Variants in GREB1L observed in about 807,000 individuals in gnomAD.
GREB1L encodes GREB1-like protein.
GREB1L carries 17 observed loss-of-function variants against 200.8 expected under a neutral mutation model. The ratio of observed to expected loss-of-function variants is 0.08; its 90% CI spans 0.06 to 0.13. The LOEUF (loss-of-function observed/expected upper bound fraction) is 0.13. GREB1L is among the 10% of genes least tolerant of loss of function. The pLI, the probability that GREB1L is intolerant of heterozygous loss-of-function variation, is 1.00. For missense variants in GREB1L, 1,657 were observed against 2,367.7 expected, an observed-to-expected ratio of 0.70 and a Z score of 6.23; for synonymous variants, 789 against 893.0, an observed-to-expected ratio of 0.88 and a Z score of 2.08.
At chr18:21,398,931 T>C (rs1174993243) in intron 5 of GREB1L, among the ~76,000 whole-genome samples, 2 of 152,320 alleles carry the variant, frequency 1.3e-5, no homozygotes, top group East Asian at 3.9e-4. Flanking sequence ...AAAATCTCCC[T>C]TGAAGGAAGG....
chr18:21,278,799 G>C (rs2038218865), intron 1 of GREB1L, among the ~76,000 whole-genome samples: 2 of 152,024 alleles, frequency 1.3e-5, no homozygotes, highest in Admixed American at 1.3e-4. Context: ...GAAACCAATT[G>C]ATTATGTATT....
rs1386557657 is a variant in GREB1L, at chr18:21,411,904, G to A, written c.832+7910G>A. 2.6e-5 allele frequency among the ~76,000 whole-genome samples: 4 copies of A among 151,818 alleles called. No homozygotes were observed. The East Asian group carries it at 7.8e-4, about 30-fold the overall frequency. On this transcript the variant is annotated intron_variant, in intron 7 of 32. Coordinates refer to ENST00000424526, the MANE Select transcript of GREB1L (RefSeq NM_001142966.3). ...ACTAAAAATACAAAAAATTAGCCGGGCGCAGTGGTGGGCGCCTATAGTCCC... is the reference window on the plus strand; with the variant it reads ...ACTAAAAATACAAAAAATTAGCCGGACGCAGTGGTGGGCGCCTATAGTCCC...
intron 1 of GREB1L, among the ~76,000 whole-genome samples, chr18:21,350,309 C>T (rs1229172349): frequency 6.7e-6 from 1 of 150,370 alleles, no homozygotes; most frequent in Non-Finnish European, 1.5e-5. Context: ...GTGATCTCAG[C>T]TCACTGCAAC....
intron 5 of GREB1L, among the ~76,000 whole-genome samples, chr18:21,396,172 G>A (rs1328725974): frequency 5.9e-5 from 9 of 151,568 alleles, no homozygotes; most frequent in Admixed American, 1.3e-4. Context: ...AGCCTCCCGA[G>A]TAGCTGGGAT....
intron 2 of GREB1L, among the ~76,000 whole-genome samples, chr18:21,369,578 G>A (rs1243169535): frequency 1.3e-5 from 2 of 152,106 alleles, no homozygotes; most frequent in Non-Finnish European, 2.9e-5. Flanking sequence ...TCATTATTAT[G>A]AAATTAGTTA....
intron 1 of GREB1L, among the ~76,000 whole-genome samples, chr18:21,363,000 G>A (rs958017998): frequency 6.6e-6 from 1 of 152,168 alleles, no homozygotes; most frequent in African/African-American, 2.4e-5. Context: ...GAGGTTGTCT[G>A]ATGAATGGTT....
At chr18:21,431,919 C>CTT (rs773523492) in intron 7 of GREB1L, among the ~76,000 whole-genome samples, 118 of 91,242 alleles carry the variant, frequency 1.3e-3, no homozygotes, top group Non-Finnish European at 1.6e-3. Flanking sequence ...CTTTTCTTTT[C>CTT]TTTTTTTTTT....
At chr18:21,439,737 T>C in intron 8 of GREB1L, 100 bp downstream of exon 8, 1 of 764,066 alleles carries the variant, frequency 1.3e-6, no homozygotes, top group Non-Finnish European at 2.3e-6. Context: ...CTCTAGAGTT[T>C]TTTCTCAGTT....
intron 7 of GREB1L, among the ~76,000 whole-genome samples, chr18:21,428,332 C>CTTTTTTTTTTTTTTTTTTTTTTT (rs59982674): frequency 1.7e-4 from 9 of 54,024 alleles, no homozygotes; most frequent in Non-Finnish European, 2.9e-4. Context: ...GTCTTTTTGT[C>CTTTTTTTTTTTTTTTTTTTTTTT]TTTTTTTTTT....
chr18:21,448,172 A>AAGC (rs1327088146), intron 11 of GREB1L, among the ~76,000 whole-genome samples: 13 of 151,090 alleles, frequency 8.6e-5, no homozygotes, highest in African/African-American at 3.2e-4. Context: ...AAAAAAAAAA[A>AAGC]AGCAGCAGCA....
At chr18:21,285,304 G>T (rs571218160) in intron 1 of GREB1L, among the ~76,000 whole-genome samples, 1 of 151,984 alleles carries the variant, frequency 6.6e-6, no homozygotes. Context: ...CTAAGAAACC[G>T]TTGCCTAATC....
At chr18:21,509,015 A>T (rs1029805357) in intron 27 of GREB1L, among the ~76,000 whole-genome samples, 1 of 152,192 alleles carries the variant, frequency 6.6e-6, no homozygotes, top group Non-Finnish European at 1.5e-5. Flanking sequence ...TAAGGCACGT[A>T]GCAAGTTATA....
chr18:21,384,196 G>A lies in GREB1L; in HGVS notation c.158-10G>A. On this transcript the variant is annotated splice_polypyrimidine_tract_variant and intron_variant, in intron 3 of 32. Coordinates refer to ENST00000424526, the MANE Select transcript of GREB1L (RefSeq NM_001142966.3). ...TTATTAAATCTGCTGTGATTTATTT[G>A]CTTACCCAGATGTCAAACCCAAGGT... 1 of 1,517,246 alleles carries A rather than the reference G, an allele frequency of 6.6e-7. No homozygotes were observed. The highest frequency in any genetic ancestry group is 9.0e-7 in the Non-Finnish European group (1 of 1,116,736). The allele number at this position is 1,517,246 out of a possible 1,614,324, so 94.0% of individuals were successfully genotyped here. A position where few individuals can be genotyped will look rare whatever the true frequency, so the allele number is the denominator to read the frequency against.
At chr18:21,418,998 TATTTAG>T (rs2031906484) in intron 7 of GREB1L, among the ~76,000 whole-genome samples, 1 of 152,234 alleles carries the variant, frequency 6.6e-6, no homozygotes, top group Non-Finnish European at 1.5e-5. Context: ...ACCATTTCTA[TATTTAG>T]ATATGTTTAG....
intron 1 of GREB1L, among the ~76,000 whole-genome samples, chr18:21,280,179 A>G (rs917322614): frequency 1.3e-5 from 2 of 152,150 alleles, no homozygotes; most frequent in Non-Finnish European, 2.9e-5. Flanking sequence ...TGTACTAAAA[A>G]TCCTTTGAGC....
chr18:21,322,339 C>T (rs944209452), intron 1 of GREB1L, among the ~76,000 whole-genome samples: 2 of 152,174 alleles, frequency 1.3e-5, no homozygotes, highest in Non-Finnish European at 2.9e-5. Flanking sequence ...CAGGGGACAT[C>T]TAGCAATACC....
intron 9 of GREB1L, 119 bp downstream of exon 9, chr18:21,440,507 A>G: frequency 2.0e-6 from 2 of 1,001,904 alleles, no homozygotes; most frequent in Non-Finnish European, 3.0e-6. Flanking sequence ...GATAGTAGCT[A>G]ATGTTTTGTC....
At chr18:21,521,276 C>T (rs143441773) in intron 32 of GREB1L, among the ~76,000 whole-genome samples, 2,051 of 151,438 alleles carry the variant, frequency 0.014, 56 homozygotes, top group African/African-American at 0.048. Flanking sequence ...GAGGCTGAGG[C>T]GGGAGAATCG....
At chr18:21,505,720 A>C in intron 24 of GREB1L, 90 bp from the exon 25 acceptor site, 1 of 1,432,486 alleles carries the variant, frequency 7.0e-7, no homozygotes, top group Non-Finnish European at 9.4e-7. Flanking sequence ...ATACATGGAA[A>C]AGTCATTTTG....
Sources: allele counts gnomAD v4.1 joint callset (sites outside exome capture counted in the v4.1 genomes callset), GRCh38; gene constraint gnomAD v4.1.1; transcripts MANE v1.5; gene names NCBI Gene and HGNC (gene_info 2026-07-23, HGNC 2026-07-21).